The following MSI2 variants were observed in gnomAD, a reference collection of about 807,000 sequenced individuals.
MSI2 encodes the protein musashi RNA binding protein 2, also known as RNA-binding protein Musashi homolog 2.
Under a neutral mutation model 45.6 loss-of-function variants are expected in MSI2, and 17 were observed. The ratio of observed to expected loss-of-function variants is 0.37; its 90% CI spans 0.26 to 0.56. The LOEUF is 0.56. MSI2 is among the 20% of genes least tolerant of loss of function. The pLI is 0.77. For synonymous variants in MSI2, 156 were observed against 158.2 expected (o/e 0.99, Z 0.11); for missense variants, 293 against 444.2 (o/e 0.66, Z 3.06).
At chr17:57,289,251 C>T (rs897478192) in intron 5 of MSI2, among the ~76,000 whole-genome samples, 1 of 152,112 alleles carries the variant, frequency 6.6e-6, no homozygotes, top group Non-Finnish European at 1.5e-5. Flanking sequence ...GGAGAGGGGA[C>T]GTTTCCACCC....
At chr17:57,576,857 T>G (rs2088063373) in intron 7 of MSI2, among the ~76,000 whole-genome samples, 1 of 151,314 alleles carries the variant, frequency 6.6e-6, no homozygotes, top group African/African-American at 2.4e-5. Flanking sequence ...ATAGGAAGCC[T>G]GGGGTTTTTT....
In MSI2 at chr17:57,407,637, C is replaced by T. The variant is rs933311866; in HGVS notation, c.405+6166C>T. Among the ~76,000 whole-genome samples, 10 of 152,122 alleles carry T rather than the reference C, an allele frequency of 6.6e-5. No individual in the cohort carries two copies. Among genetic ancestry groups the T allele is most frequent in the South Asian group, 2.1e-4 (1 of 4,818 alleles). On this transcript the variant is annotated intron_variant, in intron 6 of 13. Coordinates refer to ENST00000284073, the MANE Select transcript of MSI2 (RefSeq NM_138962.4). This position sits in a 1 kb window ranked among gnomAD's most constrained non-coding sequence, Gnocchi z 4.1. ...GTTGCCCGGGGAGTGGTCAGCCTCCCGGGCCTCACCCTGTCCTCTGCTCCA... is the reference window on the plus strand; with the variant it reads ...GTTGCCCGGGGAGTGGTCAGCCTCCTGGGCCTCACCCTGTCCTCTGCTCCA...
chr17:57,417,133 C>G (rs2084309705), intron 6 of MSI2, among the ~76,000 whole-genome samples: 1 of 152,204 alleles, frequency 6.6e-6, no homozygotes, highest in African/African-American at 2.4e-5. Context: ...CTCGGCTGTT[C>G]CCTATGGTGG....
intron 10 of MSI2, among the ~76,000 whole-genome samples, chr17:57,642,030 C>A (rs1910299906): frequency 6.6e-6 from 1 of 152,216 alleles, no homozygotes; most frequent in Non-Finnish European, 1.5e-5. Flanking sequence ...GTCTGGCCAG[C>A]ACTGCAGCAA....
Position 57,440,172 on chromosome 17 carries a change from C to A in MSI2, c.405+38701C>A, listed in dbSNP as rs565572765. ...GGCAGGGCTTGTTCTGAACTGTGAGCTGAGGAGGCAGCGATGGGTGCCCTG... is the reference window on the plus strand; with the variant it reads ...GGCAGGGCTTGTTCTGAACTGTGAGATGAGGAGGCAGCGATGGGTGCCCTG... On this transcript the variant is annotated intron_variant, in intron 6 of 13. Coordinates refer to ENST00000284073, the MANE Select transcript of MSI2 (RefSeq NM_138962.4). Among the ~76,000 whole-genome samples, 34 of 152,240 alleles carry A rather than the reference C, an allele frequency of 2.2e-4. 1 individual carries two copies. In the East Asian group the frequency reaches 6.6e-3, roughly 29 times the overall value.
At chr17:57,411,082 G>C (rs1359865831) in intron 6 of MSI2, among the ~76,000 whole-genome samples, 2 of 152,204 alleles carry the variant, frequency 1.3e-5, no homozygotes, top group Non-Finnish European at 2.9e-5. Context: ...TCAGCTCACT[G>C]CAGCCTCAGT....
chr17:57,266,545 G>C (rs1907792355), intron 5 of MSI2: 1 of 152,120 alleles, frequency 6.6e-6, no homozygotes, highest in Non-Finnish European at 1.5e-5. Flanking sequence ...TATTTTTGTA[G>C]AAATGGGGTT....
intron 8 of MSI2, among the ~76,000 whole-genome samples, chr17:57,613,721 T>C (rs1907399383): frequency 6.6e-6 from 1 of 152,234 alleles, no homozygotes; most frequent in East Asian, 1.9e-4. Flanking sequence ...GTGTTCTTTA[T>C]TAGCCGTCTG....
intron 6 of MSI2, chr17:57,448,759 G>C (rs1472637248): frequency 6.6e-6 from 1 of 152,234 alleles, no homozygotes; most frequent in Non-Finnish European, 1.5e-5. Flanking sequence ...AACCAGGTGA[G>C]GGGCAGCAAG....
chr17:57,491,765 C>A (rs2085876548), intron 6 of MSI2, among the ~76,000 whole-genome samples: 1 of 152,108 alleles, frequency 6.6e-6, no homozygotes, highest in Non-Finnish European at 1.5e-5. Flanking sequence ...TCAAAGCCTT[C>A]ACGACTGCTC....
chr17:57,657,658 G>A (rs1280667990), intron 11 of MSI2, among the ~76,000 whole-genome samples: 1 of 152,146 alleles, frequency 6.6e-6, no homozygotes, highest in Admixed American at 6.5e-5. Context: ...AAGTAGATAT[G>A]CCCATCCCAA....
chr17:57,537,966 C>G (rs2086956700), intron 7 of MSI2, among the ~76,000 whole-genome samples: 1 of 152,184 alleles, frequency 6.6e-6, no homozygotes, highest in Admixed American at 6.5e-5. Context: ...TCCTGCCTCC[C>G]CCTGCTGTGG....
At chr17:57,395,184 G>A (rs569836755) in intron 5 of MSI2, among the ~76,000 whole-genome samples, 130 of 152,292 alleles carry the variant, frequency 8.5e-4, no homozygotes, top group African/African-American at 3.1e-3. Context: ...AAGGACACCC[G>A]TTACTGGATT....
intron 10 of MSI2, chr17:57,629,619 T>G (rs1409803633): frequency 1.3e-5 from 2 of 152,276 alleles, no homozygotes; most frequent in Admixed American, 6.5e-5. Flanking sequence ...GGGCTGTTAC[T>G]GGGGGGTGCA....
At chr17:57,587,701 C>T (rs1451554715) in intron 7 of MSI2, among the ~76,000 whole-genome samples, 1 of 152,160 alleles carries the variant, frequency 6.6e-6, no homozygotes, top group Non-Finnish European at 1.5e-5. Flanking sequence ...TGTGCTTGAG[C>T]CACTTGTAAT....
At chr17:57,579,753 A>G (rs935967599) in intron 7 of MSI2, among the ~76,000 whole-genome samples, 1 of 152,196 alleles carries the variant, frequency 6.6e-6, no homozygotes, top group African/African-American at 2.4e-5. Context: ...GTGCTTCAGC[A>G]TCTGATGGGG....
At chr17:57,634,819 C>T (rs770910465) in intron 10 of MSI2, among the ~76,000 whole-genome samples, 9 of 152,344 alleles carry the variant, frequency 5.9e-5, no homozygotes, top group Admixed American at 2.0e-4. Context: ...CTCTCTTCAG[C>T]ATAAGACTCC....
intron 6 of MSI2, among the ~76,000 whole-genome samples, chr17:57,527,416 A>T (rs970185556): frequency 2.6e-5 from 4 of 152,200 alleles, no homozygotes; most frequent in African/African-American, 9.6e-5. Flanking sequence ...TGTGTGGTGC[A>T]CGGGAGGTGG....
chr17:57,627,445 C>A lies in MSI2; in HGVS notation c.727+142C>A. 3 of 768,706 alleles carry A rather than the reference C, an allele frequency of 3.9e-6. No homozygotes were observed. The highest frequency in any genetic ancestry group is 6.7e-6 in the Non-Finnish European group (3 of 448,898). The allele number at this position is 768,706 out of a possible 1,614,324, so 47.6% of individuals were successfully genotyped here. A position where few individuals can be genotyped will look rare whatever the true frequency, so the allele number is the denominator to read the frequency against. Reference sequence around the variant, plus strand: ...CTATACATGATAAATTTCAAATCCACTGAAGTTCAAGGCCAGGATGCAGCT... The same window carrying A: ...CTATACATGATAAATTTCAAATCCAATGAAGTTCAAGGCCAGGATGCAGCT... On this transcript the variant is annotated intron_variant, in intron 10 of 13. Coordinates refer to ENST00000284073, the MANE Select transcript of MSI2 (RefSeq NM_138962.4). This position sits in a 1 kb window ranked among gnomAD's most constrained non-coding sequence, Gnocchi z 4.6.
Sources: gnomAD v4.1 joint callset for allele counts (sites outside exome capture counted in the v4.1 genomes callset) on GRCh38, gnomAD v4.1.1 for gene constraint, Gnocchi (gnomAD v3.1) non-coding constraint, MANE v1.5 for transcripts, NCBI Gene and HGNC (gene_info 2026-07-23, HGNC 2026-07-21) for gene names.